RBFOX1: variants seen among roughly 807,000 people sequenced by gnomAD.
RBFOX1 encodes RNA binding protein fox-1 homolog 1.
Under a neutral mutation model 57.7 loss-of-function variants are expected in RBFOX1, and 8 were observed. The observed-to-expected ratio is 0.14, with a 90% CI of 0.08 to 0.25. The LOEUF (loss-of-function observed/expected upper bound fraction) is 0.25. Ranked by LOEUF, RBFOX1 falls within the 10% of genes least tolerant of loss-of-function variation. RBFOX1 has a pLI of 1.00. For synonymous variants in RBFOX1, 326 were observed against 222.4 expected (o/e 1.47, Z -4.15); for missense variants, 611 against 548.5 (o/e 1.11, Z -1.14).
chr16:7,370,749 G>A (rs1017818850), intron 4 of RBFOX1, among the ~76,000 whole-genome samples: 1 of 152,166 alleles, frequency 6.6e-6, no homozygotes, highest in East Asian at 1.9e-4. Flanking sequence ...CCGAGGTTTT[G>A]GAATGTGAGT....
intron 3 of RBFOX1, among the ~76,000 whole-genome samples, chr16:6,988,609 G>T (rs117169394): frequency 0.029 from 4,329 of 150,768 alleles, 104 homozygotes; most frequent in Non-Finnish European, 0.038. Context: ...GTCTTGCTCT[G>T]TCCCCTAGGC....
chr16:6,976,804 GAT>G (rs1276599933), intron 3 of RBFOX1, among the ~76,000 whole-genome samples: 1 of 144,242 alleles, frequency 6.9e-6, no homozygotes, highest in Non-Finnish European at 1.5e-5. Flanking sequence ...TGATATATGA[GAT>G]ATAAATGATC....
At chr16:5,315,375 G>A (rs1405093692) in intron 1 of RBFOX1, among the ~76,000 whole-genome samples, 1 of 152,228 alleles carries the variant, frequency 6.6e-6, no homozygotes, top group Admixed American at 6.5e-5. Flanking sequence ...AGACAGGGAT[G>A]TGCTTAGAAT....
chr16:6,600,989 G>C (rs1038927788), intron 2 of RBFOX1, among the ~76,000 whole-genome samples: 6 of 152,112 alleles, frequency 3.9e-5, no homozygotes, highest in Non-Finnish European at 7.3e-5. Context: ...TATAGTCAGA[G>C]CTGCAGTTAC....
chr16:6,960,425 T>A (rs891563820), intron 3 of RBFOX1, among the ~76,000 whole-genome samples: 4 of 152,170 alleles, frequency 2.6e-5, no homozygotes, highest in African/African-American at 9.7e-5. Context: ...CTTCTCCCTG[T>A]ACCCGGTTAC....
chr16:5,503,323 CCA>C (rs1156709661), intron 2 of RBFOX1, among the ~76,000 whole-genome samples: 3 of 152,344 alleles, frequency 2.0e-5, no homozygotes, highest in Non-Finnish European at 4.4e-5. Flanking sequence ...CCACTGTCCC[CCA>C]CTCTTGAATC....
chr16:6,980,326 G>GT (rs1251556989), intron 3 of RBFOX1, among the ~76,000 whole-genome samples: 3 of 152,064 alleles, frequency 2.0e-5, no homozygotes, highest in Non-Finnish European at 4.4e-5. Flanking sequence ...TTACCTATTC[G>GT]TTTTTTGTTC....
At chr16:6,563,654 A>G (rs552362791) in intron 2 of RBFOX1, among the ~76,000 whole-genome samples, 49 of 152,214 alleles carry the variant, frequency 3.2e-4, no homozygotes, top group African/African-American at 1.2e-3. Flanking sequence ...GACCGTTATC[A>G]GCAACGTGGC....
At chr16:5,843,885 A>G (rs540308854) in intron 3 of RBFOX1, among the ~76,000 whole-genome samples, 2 of 152,326 alleles carry the variant, frequency 1.3e-5, no homozygotes, top group South Asian at 4.1e-4. Flanking sequence ...GCAAGCTCCA[A>G]CAAGCGCACC....
chr16:7,324,311 C>T lies in RBFOX1; in HGVS notation c.28-193836C>T, dbSNP rs116198425. 5.0e-3 allele frequency among the ~76,000 whole-genome samples: 760 copies of T among 152,300 alleles called. 4 individuals are homozygous for T. Among genetic ancestry groups the T allele is most frequent in the African/African-American group, 0.017 (720 of 41,566 alleles). ...TGAATGGAATTAGTACAAAAATCCT[C>T]ATTTACCAGTCCTGGAGACCTGTGC... On this transcript the variant is annotated intron_variant, in intron 4 of 15. Transcript: ENST00000550418.
At chr16:6,005,603 GCCTC>G (rs2060679552) in intron 4 of RBFOX1, among the ~76,000 whole-genome samples, 1 of 152,198 alleles carries the variant, frequency 6.6e-6, no homozygotes, top group South Asian at 2.1e-4. Context: ...ATATTAAACA[GCCTC>G]CCTGGCCTCT....
intron 2 of RBFOX1, among the ~76,000 whole-genome samples, chr16:6,532,707 G>T (rs1294719404): frequency 6.6e-6 from 1 of 152,148 alleles, no homozygotes; most frequent in Non-Finnish European, 1.5e-5. Context: ...CTCCTGGACA[G>T]TTGCACTGGA....
intron 4 of RBFOX1, among the ~76,000 whole-genome samples, chr16:7,155,001 T>A (rs114466944): frequency 1.8e-3 from 277 of 152,210 alleles, no homozygotes; most frequent in African/African-American, 6.3e-3. Context: ...ATTAGGTAGA[T>A]TCTGTACAGT....
intron 4 of RBFOX1, among the ~76,000 whole-genome samples, chr16:7,137,214 A>C (rs1381265733): frequency 1.3e-5 from 2 of 152,194 alleles, no homozygotes; most frequent in Non-Finnish European, 2.9e-5. Flanking sequence ...CTTCTGGTGC[A>C]CACTAGGAAG....
At chr16:6,634,584 AAT>A (rs1366960313) in intron 2 of RBFOX1, among the ~76,000 whole-genome samples, 1 of 146,814 alleles carries the variant, frequency 6.8e-6, no homozygotes, top group Admixed American at 6.8e-5. Context: ...AAAGTATTCA[AAT>A]ATATAATATT....
At chr16:5,468,495 G>T (rs2069024344) in intron 2 of RBFOX1, among the ~76,000 whole-genome samples, 1 of 152,136 alleles carries the variant, frequency 6.6e-6, no homozygotes, top group Non-Finnish European at 1.5e-5. Flanking sequence ...CAGTTTGGCA[G>T]TTCCTCCAAA....
intron 1 of RBFOX1, among the ~76,000 whole-genome samples, chr16:5,242,329 C>G (rs1469960107): frequency 2.0e-5 from 3 of 152,176 alleles, no homozygotes; most frequent in African/African-American, 7.2e-5. Context: ...TCCTTGTTTC[C>G]TGAATCTGAA....
chr16:6,797,553 A>C (rs1418549506), intron 3 of RBFOX1, among the ~76,000 whole-genome samples: 1 of 152,092 alleles, frequency 6.6e-6, no homozygotes, highest in Non-Finnish European at 1.5e-5. Flanking sequence ...ATTATATTAC[A>C]ATGGGGGTAA....
chr16:6,658,500 C>T (rs919085369), intron 3 of RBFOX1, among the ~76,000 whole-genome samples: 1 of 152,156 alleles, frequency 6.6e-6, no homozygotes, highest in African/African-American at 2.4e-5. Flanking sequence ...AGCCACCACA[C>T]CCGGCCGAGA....
Sources: allele counts gnomAD v4.1 joint callset (sites outside exome capture counted in the v4.1 genomes callset), GRCh38; gene constraint gnomAD v4.1.1; transcripts MANE v1.5; gene names NCBI Gene and HGNC (gene_info 2026-07-23, HGNC 2026-07-21).